CNTN5: variants seen among roughly 807,000 people sequenced by gnomAD.
CNTN5 encodes the protein contactin-5.
CNTN5 carries 77 observed loss-of-function variants against 129.1 expected under a neutral mutation model. The ratio of observed to expected loss-of-function variants is 0.60; its 90% CI spans 0.50 to 0.72. The LOEUF (loss-of-function observed/expected upper bound fraction) is 0.72, where lower values mean the gene tolerates loss of function less well. Ranked by LOEUF, CNTN5 falls within the 30% of genes least tolerant of loss-of-function variation. CNTN5 has a pLI of 0.00. For synonymous variants in CNTN5, 509 were observed against 465.6 expected, an observed-to-expected ratio of 1.09 and a Z score of -1.20; for missense variants, 1,478 against 1,328.8, an observed-to-expected ratio of 1.11 and a Z score of -1.75.
intron 3 of CNTN5, among the ~76,000 whole-genome samples, chr11:99,583,200 A>G (rs1464974387): frequency 3.3e-5 from 5 of 152,164 alleles, no homozygotes; most frequent in Admixed American, 1.3e-4. Context: ...GTCTCAGAGG[A>G]GTACCCGGCC....
intron 13 of CNTN5, among the ~76,000 whole-genome samples, chr11:100,174,767 T>C (rs1488944863): frequency 2.0e-5 from 3 of 152,124 alleles, no homozygotes; most frequent in African/African-American, 7.2e-5. Flanking sequence ...ATTCGGTCGC[T>C]TAGCACACAA....
At chr11:99,407,605 G>A (rs1942136829) in intron 2 of CNTN5, among the ~76,000 whole-genome samples, 1 of 152,108 alleles carries the variant, frequency 6.6e-6, no homozygotes, top group Admixed American at 6.6e-5. Context: ...AACTCAACTG[G>A]CTCTTGGTCC....
intron 3 of CNTN5, among the ~76,000 whole-genome samples, chr11:99,714,196 A>G (rs1056556800): frequency 7.2e-5 from 11 of 151,960 alleles, no homozygotes; most frequent in Admixed American, 5.9e-4. Context: ...TTTCATTAAC[A>G]TTTATAGAAC....
At chr11:99,156,511 T>A (rs1234795885) in intron 1 of CNTN5, among the ~76,000 whole-genome samples, 1 of 152,034 alleles carries the variant, frequency 6.6e-6, no homozygotes, top group Non-Finnish European at 1.5e-5. Flanking sequence ...ATCATTAAAA[T>A]TTTTAGCTTA....
At chr11:99,294,540 A>C (rs946410421) in intron 1 of CNTN5, among the ~76,000 whole-genome samples, 9 of 152,204 alleles carry the variant, frequency 5.9e-5, no homozygotes, top group African/African-American at 2.2e-4. Context: ...TAATGGAAAG[A>C]TATCCCATGT....
At chr11:99,885,152 T>TG (rs1181963023) in intron 6 of CNTN5, among the ~76,000 whole-genome samples, 1 of 152,036 alleles carries the variant, frequency 6.6e-6, no homozygotes, top group African/African-American at 2.4e-5. Context: ...CATGGTGGCA[T>TG]GTGCCTATAG....
At chr11:99,301,488 G>A (rs558892222) in intron 1 of CNTN5, among the ~76,000 whole-genome samples, 53 of 151,696 alleles carry the variant, frequency 3.5e-4, no homozygotes, top group Admixed American at 5.9e-4. Context: ...ATTGTTACTG[G>A]AGACAAGAGG....
intron 13 of CNTN5, among the ~76,000 whole-genome samples, chr11:100,146,703 G>A (rs1443632302): frequency 6.6e-6 from 1 of 152,052 alleles, no homozygotes; most frequent in African/African-American, 2.4e-5. Context: ...AGAATCTTCT[G>A]TTTGGGCATT....
chr11:99,302,722 C>T (rs1243273508), intron 1 of CNTN5, among the ~76,000 whole-genome samples: 1 of 151,558 alleles, frequency 6.6e-6, no homozygotes, highest in East Asian at 1.9e-4. Flanking sequence ...GAACTGCATG[C>T]TTTAAATGGG....
chr11:99,972,821 A>G (rs1937664368), intron 8 of CNTN5, among the ~76,000 whole-genome samples: 2 of 152,176 alleles, frequency 1.3e-5, no homozygotes, highest in Admixed American at 1.3e-4. Flanking sequence ...TATGATCTGT[A>G]TACAAATTAT....
intron 3 of CNTN5, among the ~76,000 whole-genome samples, chr11:99,702,490 CTA>C (rs1224492642): frequency 1.3e-5 from 2 of 150,816 alleles, no homozygotes; most frequent in Non-Finnish European, 3.0e-5. Flanking sequence ...ATTAGTATCA[CTA>C]GACATAGGAT....
chr11:99,933,026 G>A (rs1243491408), intron 7 of CNTN5, among the ~76,000 whole-genome samples: 1 of 152,080 alleles, frequency 6.6e-6, no homozygotes, highest in Non-Finnish European at 1.5e-5. Flanking sequence ...ATGTTATCAG[G>A]TACTTGATAA....
intron 15 of CNTN5, among the ~76,000 whole-genome samples, chr11:100,208,846 C>T (rs1233793580): frequency 1.3e-5 from 2 of 152,144 alleles, no homozygotes. Context: ...TGAGTGACTG[C>T]TGGTGGTCTC....
intron 1 of CNTN5, among the ~76,000 whole-genome samples, chr11:99,044,232 A>T (rs1423611171): frequency 2.0e-5 from 3 of 152,198 alleles, no homozygotes; most frequent in African/African-American, 7.2e-5. Context: ...ATCATATCTA[A>T]GTATTAAAAA....
At chr11:100,065,634 A>T (rs761934915) in intron 10 of CNTN5, among the ~76,000 whole-genome samples, 3 of 152,114 alleles carry the variant, frequency 2.0e-5, no homozygotes, top group Admixed American at 6.6e-5. Flanking sequence ...CCAGAATCCA[A>T]CTGAAACTGG....
chr11:100,196,940 C>G (rs77864983), intron 15 of CNTN5, among the ~76,000 whole-genome samples: 1 of 151,938 alleles, frequency 6.6e-6, no homozygotes, highest in Non-Finnish European at 1.5e-5. Flanking sequence ...AGGCATAGCC[C>G]TTCACACCTA....
At chr11:100,007,612 T>C (rs779840732) in intron 9 of CNTN5, among the ~76,000 whole-genome samples, 91 of 152,226 alleles carry the variant, frequency 6.0e-4, no homozygotes, top group Non-Finnish European at 8.7e-4. Flanking sequence ...TCAGCCTTCA[T>C]AGAATTGAAG....
intron 1 of CNTN5, among the ~76,000 whole-genome samples, chr11:99,325,102 G>C (rs778421972): frequency 3.9e-5 from 6 of 151,988 alleles, no homozygotes; most frequent in East Asian, 1.9e-4. Context: ...TGTAAGCTTA[G>C]AGTGACATTA....
chr11:99,830,369 A>G (rs961214393), intron 4 of CNTN5, among the ~76,000 whole-genome samples: 35 of 152,232 alleles, frequency 2.3e-4, no homozygotes, highest in Admixed American at 6.5e-4. Context: ...GCATTTACAA[A>G]TTTGTGGCCT....
Sources: gnomAD v4.1 joint callset for allele counts (sites outside exome capture counted in the v4.1 genomes callset) on GRCh38, gnomAD v4.1.1 for gene constraint, MANE v1.5 for transcripts, NCBI Gene and HGNC (gene_info 2026-07-23, HGNC 2026-07-21) for gene names.